RAB4B: variants seen among roughly 807,000 people sequenced by gnomAD.
RAB4B encodes RAB4B, member RAS oncogene family, also known as ras-related protein Rab-4B.
In RAB4B, 15 loss-of-function variants were observed where a neutral mutation model predicts 28.3. The ratio of observed to expected loss-of-function variants is 0.53; its 90% CI spans 0.35 to 0.82. RAB4B has a LOEUF of 0.82. Among genes scored for constraint, RAB4B ranks in the 40% least tolerant of loss-of-function variants. The pLI is 0.01. For synonymous variants in RAB4B, 108 were observed against 116.3 expected (o/e 0.93, Z 0.46); for missense variants, 244 against 288.5 (o/e 0.85, Z 1.12).
At chr19:40,786,506 A>C in intron 5 of RAB4B, 159 bp from the exon 6 acceptor site, 1 of 1,080,690 alleles carries the variant, frequency 9.3e-7, no homozygotes. Context: ...CATATCGGGA[A>C]GCGGACATTA....
At chr19:40,794,579 G>C (rs60533951) in intron 7 of RAB4B, 1 of 151,788 alleles carries the variant, frequency 6.6e-6, no homozygotes, top group Admixed American at 6.6e-5. Context: ...GGTATTTGCC[G>C]TTCTGTGCTA....
chr19:40,790,710 C>T (rs1230271958), intron 7 of RAB4B, among the ~76,000 whole-genome samples: 2 of 139,730 alleles, frequency 1.4e-5, no homozygotes, highest in Non-Finnish European at 3.1e-5. Flanking sequence ...TCTCACTCTG[C>T]TCACTCTGTC....
chr19:40,780,196 G>T, intron 2 of RAB4B, 97 bp downstream of exon 2: 2 of 1,549,736 alleles, frequency 1.3e-6, no homozygotes, highest in Non-Finnish European at 8.8e-7. Context: ...GCTGGCCATA[G>T]GTACAAGTCC....
chr19:40,788,481 TAAAAA>T (rs751428239), intron 7 of RAB4B, among the ~76,000 whole-genome samples: 12 of 67,106 alleles, frequency 1.8e-4, no homozygotes, highest in South Asian at 3.7e-4. Flanking sequence ...GCGAGACTCT[TAAAAA>T]AAAAAAAAAA....
At chr19:40,783,201 G>T (rs1380470008) in intron 3 of RAB4B, among the ~76,000 whole-genome samples, 5 of 150,200 alleles carry the variant, frequency 3.3e-5, no homozygotes, top group African/African-American at 1.2e-4. Flanking sequence ...ATAGGTTAAG[G>T]CAGGAGAATC....
Position 40,783,792 on chromosome 19 carries a change from G to T in RAB4B, c.227G>T (p.Ser76Ile), listed in dbSNP as rs2083072989. 7.1e-7 allele frequency: 1 copy of T among 1,411,894 alleles called. No individual in the cohort carries two copies. The highest frequency in any genetic ancestry group is 3.3e-5 in the East Asian group (1 of 30,426). 87.5% of individuals were successfully genotyped at this position (1,411,894 alleles called of 1,614,324 possible). Reference protein sequence around the residue: ...GQERFRSVTRSYYRGAAGALL... With the variant: ...GQERFRSVTRIYYRGAAGALL... ...TGGCCCCACAGGTCAGTGACGCGGA[G>T]TTATTACCGAGGGGCGGCTGGAGCC... Residue 76 changes from serine to isoleucine, a missense_variant, in exon 4 of 8, where the codon AGT (serine) becomes ATT (isoleucine). Transcript: ENST00000357052.
intron 3 of RAB4B, among the ~76,000 whole-genome samples, chr19:40,783,448 A>G (rs931053473): frequency 1.3e-5 from 2 of 152,210 alleles, no homozygotes; most frequent in African/African-American, 2.4e-5. Flanking sequence ...CATCAAAAAA[A>G]TAAAAAATAA....
chr19:40,788,251 C>T (rs983271362), intron 7 of RAB4B, among the ~76,000 whole-genome samples: 2 of 152,030 alleles, frequency 1.3e-5, no homozygotes, highest in African/African-American at 2.4e-5. Flanking sequence ...AATCCCAGCA[C>T]TTTGGCAGGG....
intron 5 of RAB4B, chr19:40,786,402 C>G: frequency 2.3e-6 from 1 of 444,120 alleles, no homozygotes; most frequent in Non-Finnish European, 4.2e-6. Flanking sequence ...CTGTGGGAGC[C>G]CTAAGTCGGT....
chr19:40,793,572 G>GTTTTTTT (rs373163247), intron 7 of RAB4B, among the ~76,000 whole-genome samples: 7 of 125,424 alleles, frequency 5.6e-5, no homozygotes, highest in South Asian at 2.6e-4. Context: ...TTTCTTTTTT[G>GTTTTTTT]TTTTTTTTTT....
rs1437292687 is a variant in RAB4B at position 40,780,366 on chromosome 19, C to T, written c.98-19C>T. 6.3e-7 allele frequency: 1 copy of T among 1,587,446 alleles called. No individual in the cohort carries two copies. The highest frequency in any genetic ancestry group is 8.6e-7 in the Non-Finnish European group (1 of 1,165,750). On this transcript the variant is annotated intron_variant, in intron 2 of 7. Transcript: ENST00000357052. ...CTCCTCTCTCCCTGTACTGCCCCTT[C>T]TGTTCCTCCTACTCCCAGTCAAACA...
chr19:40,780,557 GAT>G, intron 3 of RAB4B, 58 bp downstream of exon 3: 1 of 1,446,110 alleles, frequency 6.9e-7, no homozygotes, highest in Non-Finnish European at 9.6e-7. Flanking sequence ...GAAAGAGAGA[GAT>G]GTGTGTGTAG....
intron 5 of RAB4B, 76 bp downstream of exon 5, chr19:40,784,151 T>C: frequency 2.0e-6 from 3 of 1,485,266 alleles, no homozygotes; most frequent in Non-Finnish European, 2.7e-6. Flanking sequence ...TGGCTCTCAG[T>C]GGCTGTACCC....
chr19:40,788,405 G>A (rs1057128900), intron 7 of RAB4B, among the ~76,000 whole-genome samples: 18 of 149,472 alleles, frequency 1.2e-4, no homozygotes, highest in African/African-American at 4.2e-4. Flanking sequence ...GATGGCTTGA[G>A]TCCAGGTGTT....
intron 2 of RAB4B, 116 bp from the exon 3 acceptor site, chr19:40,780,269 G>A: frequency 1.4e-6 from 2 of 1,432,422 alleles, no homozygotes; most frequent in Non-Finnish European, 1.9e-6. Context: ...TTGACCTCAA[G>A]TCACTCCAGC....
At chr19:40,781,744 G>A (rs2083050269) in intron 3 of RAB4B, among the ~76,000 whole-genome samples, 1 of 152,160 alleles carries the variant, frequency 6.6e-6, no homozygotes, top group African/African-American at 2.4e-5. Flanking sequence ...AGGAGAGGCC[G>A]GGCGTGGTGG....
intron 1 of RAB4B, 199 bp from the exon 2 acceptor site, chr19:40,779,820 A>T (rs947424199): frequency 4.4e-5 from 58 of 1,314,890 alleles, no homozygotes; most frequent in Admixed American, 3.5e-4. Flanking sequence ...GAAAAAAAAT[A>T]TATAGAATGT....
intron 1 of RAB4B, 107 bp downstream of exon 1, chr19:40,778,498 G>A: frequency 8.4e-7 from 1 of 1,186,262 alleles, no homozygotes; most frequent in Non-Finnish European, 1.1e-6. Context: ...CTGGTGTGAT[G>A]GAGGCAGGAC....
At chr19:40,789,605 G>A (rs888860277) in intron 7 of RAB4B, among the ~76,000 whole-genome samples, 8 of 149,764 alleles carry the variant, frequency 5.3e-5, no homozygotes, top group Non-Finnish European at 1.0e-4. Flanking sequence ...CTGGGTTCAA[G>A]CAATTCTCCT....
Sources: gnomAD v4.1 joint callset for allele counts (sites outside exome capture counted in the v4.1 genomes callset) on GRCh38, gnomAD v4.1.1 for gene constraint, MANE v1.5 for transcripts, NCBI Gene and HGNC (gene_info 2026-07-23, HGNC 2026-07-21) for gene names.